The following GATA3 variants were observed in gnomAD, a reference collection of about 807,000 sequenced individuals.
GATA3 encodes the protein GATA binding protein 3.
A neutral mutation model predicts 36.0 loss-of-function variants in GATA3; 6 were observed. The observed-to-expected ratio is 0.17, with a 90% CI of 0.09 to 0.33. GATA3 has a LOEUF of 0.33. Among genes scored for constraint, GATA3 ranks in the 10% least tolerant of loss-of-function variants. The pLI, the probability that GATA3 is intolerant of heterozygous loss-of-function variation, is 1.00. For synonymous variants in GATA3, 326 were observed against 273.0 expected (o/e 1.19, Z -1.92); for missense variants, 514 against 610.1 (o/e 0.84, Z 1.66).
rs934089092 is a variant in GATA3 at position 8,074,129 on chromosome 10, T to C, written c.*106T>C. 9 of 1,340,492 alleles carry C rather than the reference T, an allele frequency of 6.7e-6. No homozygotes were observed. In the African/African-American group the frequency reaches 1.0e-4, roughly 15 times the overall value. 83.0% of individuals were successfully genotyped at this position (1,340,492 alleles called of 1,614,324 possible). A position where few individuals can be genotyped will look rare whatever the true frequency, so the allele number is the denominator to read the frequency against. On this transcript the variant is annotated 3_prime_UTR_variant, in exon 6 of 6. Transcript: ENST00000379328. ...ATGAAGCCTAAACGCGATGGATATA[T>C]GTTTTTGAAGGCAGAAAGCAAAATT...
At chr10:8,069,669 C>T (rs2131512790) in intron 5 of GATA3, 71 bp downstream of exon 5, 3 of 1,552,924 alleles carry the variant, frequency 1.9e-6, no homozygotes, top group Non-Finnish European at 1.8e-6. Flanking sequence ...GTCACCACCA[C>T]CCTCTCCAAG....
Position 8,055,331 on chromosome 10 carries a change from G to A in GATA3, c.-325G>A, listed in dbSNP as rs1389109153. The A allele has an allele frequency of 2.1e-6, 1 of 474,772 alleles. No homozygotes were observed. Among genetic ancestry groups the A allele is most frequent in the South Asian group, 2.2e-5 (1 of 45,694 alleles). The allele number at this position is 474,772 out of a possible 1,614,324, so 29.4% of individuals were successfully genotyped here. A position where few individuals can be genotyped will look rare whatever the true frequency, so the allele number is the denominator to read the frequency against. ...CGCCTCCGAGCGGCTGAGGACCCCG[G>A]TGCAGAGGAGCCTGGCTCGCAGAAT... On this transcript the variant is annotated 5_prime_UTR_variant, in exon 2 of 6. The change creates a new upstream start codon in the 5' untranslated region. Coordinates refer to ENST00000379328, the MANE Select transcript of GATA3 (RefSeq NM_001002295.2). This position sits in a 1 kb window ranked among gnomAD's most constrained non-coding sequence, Gnocchi z 5.4.
chr10:8,054,518 G>C (rs1167031889), upstream of GATA3: 1 of 152,032 alleles, frequency 6.6e-6, no homozygotes, highest in Non-Finnish European at 1.5e-5. The surrounding 1 kb of genome is among the most constrained non-coding windows in gnomAD (Gnocchi z 4.2). Flanking sequence ...TGGAGGGGCG[G>C]GAGGAGGGGC....
At chr10:8,050,894 C>A, upstream of GATA3, 1 of 480,698 alleles carries the variant, frequency 2.1e-6, no homozygotes, top group Non-Finnish European at 4.2e-6. Context: ...CTCCGCTTTG[C>A]CTGTTACCCA....
Position 8,055,594 on chromosome 10 carries a change from C to T in GATA3, c.-62C>T. 2 of 1,529,408 alleles carry T rather than the reference C, an allele frequency of 1.3e-6. No individual in the cohort carries two copies. Among genetic ancestry groups the T allele is most frequent in the Non-Finnish European group, 1.8e-6 (2 of 1,142,818 alleles). 94.7% of individuals were successfully genotyped at this position (1,529,408 alleles called of 1,614,324 possible). ...GAGCCCCCCGACCTCCCAGGCGGACCGCCCTCCCTCCCCGCGCGCGGGTTC... is the reference window on the plus strand; with the variant it reads ...GAGCCCCCCGACCTCCCAGGCGGACTGCCCTCCCTCCCCGCGCGCGGGTTC... On this transcript the variant is annotated 5_prime_UTR_variant, in exon 2 of 6. Coordinates refer to ENST00000379328, the MANE Select transcript of GATA3 (RefSeq NM_001002295.2). This position sits in a 1 kb window ranked among gnomAD's most constrained non-coding sequence, Gnocchi z 5.4.
intron 5 of GATA3, among the ~76,000 whole-genome samples, chr10:8,071,995 G>T (rs1285446101): frequency 6.6e-6 from 1 of 152,166 alleles, no homozygotes; most frequent in African/African-American, 2.4e-5. Flanking sequence ...TTTGATGTGG[G>T]AGTAGATTCC....
At chr10:8,054,472 C>T (rs1564396232), upstream of GATA3, among the ~76,000 whole-genome samples, 1 of 152,112 alleles carries the variant, frequency 6.6e-6, no homozygotes, top group Non-Finnish European at 1.5e-5. The surrounding 1 kb of genome is among the most constrained non-coding windows in gnomAD (Gnocchi z 4.2). Flanking sequence ...GCCCCTCCGC[C>T]GGCGGCCGCC....
Position 8,055,772 on chromosome 10 carries a change from G to T in GATA3, c.117G>T (p.Ala39=). 2 of 1,591,322 alleles carry T rather than the reference G, an allele frequency of 1.3e-6. No individual in the cohort carries two copies. The highest frequency in any genetic ancestry group is 1.7e-6 in the Non-Finnish European group (2 of 1,168,962). Residue 39 remains alanine, a synonymous_variant, in exon 2 of 6, where the codon GCG becomes GCT. Coordinates refer to ENST00000379328, the MANE Select transcript of GATA3 (RefSeq NM_001002295.2). This position sits in a 1 kb window ranked among gnomAD's most constrained non-coding sequence, Gnocchi z 5.4. ...TCAGCCACTCCTACATGGACGCGGC[G>T]CAGTACCCGCTGCCGGAGGAGGTGG... ...PGLSHSYMDA[A]QYPLPEEVDV...
upstream of GATA3, among the ~76,000 whole-genome samples, chr10:8,049,799 T>G (rs1832440267): frequency 6.6e-6 from 1 of 152,084 alleles, no homozygotes; most frequent in Non-Finnish European, 1.5e-5. Flanking sequence ...CCGGGATCTC[T>G]CCTTTGCCCC....
upstream of GATA3, among the ~76,000 whole-genome samples, chr10:8,050,293 A>G (rs931478215): frequency 6.6e-6 from 1 of 152,222 alleles, no homozygotes; most frequent in African/African-American, 2.4e-5. Flanking sequence ...ACACCCAATT[A>G]AAGGCCCCGC....
chr10:8,049,984 G>A (rs951788455), upstream of GATA3, among the ~76,000 whole-genome samples: 10 of 152,274 alleles, frequency 6.6e-5, no homozygotes, highest in Admixed American at 5.2e-4. Flanking sequence ...CGAAAGGCGC[G>A]GCGGTCCCGC....
chr10:8,055,902 T>C lies in GATA3; in HGVS notation c.241+6T>C. ...GTACCCTCCGACCCACCACGGTGAGTGCGCCCGGGGTGCCGGGGCTCCCGC... is the reference window on the plus strand; with the variant it reads ...GTACCCTCCGACCCACCACGGTGAGCGCGCCCGGGGTGCCGGGGCTCCCGC... On this transcript the variant is annotated splice_donor_region_variant and intron_variant, in intron 2 of 5. Transcript: ENST00000379328. The surrounding 1 kb of genome is among the most constrained non-coding windows in gnomAD (Gnocchi z 5.4). 1 of 1,554,654 alleles carries C rather than the reference T, an allele frequency of 6.4e-7. No individual in the cohort carries two copies. The highest frequency in any genetic ancestry group is 8.7e-7 in the Non-Finnish European group (1 of 1,149,206).
At position 8,074,170 on chromosome 10, in the gene GATA3, C is replaced by A; in HGVS notation, c.*147C>A. 2.3e-6 allele frequency: 2 copies of A among 858,498 alleles called. No homozygotes were observed. Among genetic ancestry groups the A allele is most frequent in the South Asian group, 1.8e-5 (1 of 56,612 alleles). The allele number at this position is 858,498 out of a possible 1,614,324, so 53.2% of individuals were successfully genotyped here. A position where few individuals can be genotyped will look rare whatever the true frequency, so the allele number is the denominator to read the frequency against. On this transcript the variant is annotated 3_prime_UTR_variant, in exon 6 of 6. Transcript: ENST00000379328. ...AAGCAAAATTATGTTTGCCACTTTGCAAAGGAGCTCACTGTGGTGTCTGTG... is the reference window on the plus strand; with the variant it reads ...AAGCAAAATTATGTTTGCCACTTTGAAAAGGAGCTCACTGTGGTGTCTGTG...
At chr10:8,057,064 C>T (rs1388050718) in intron 2 of GATA3, among the ~76,000 whole-genome samples, 1 of 152,166 alleles carries the variant, frequency 6.6e-6, no homozygotes, top group East Asian at 1.9e-4. Context: ...GCGCTCTTTG[C>T]CCACGTTCTG....
At position 8,058,984 on chromosome 10, in the gene GATA3, G is replaced by A. The variant is rs566168093; in HGVS notation, c.778+143G>A. On this transcript the variant is annotated intron_variant, in intron 3 of 5. Transcript: ENST00000379328. ...TGCCATTCTTCCCATTCTTCCTGCCGGGAAGGCACTGCATGTCCTCCCATC... is the reference window on the plus strand; with the variant it reads ...TGCCATTCTTCCCATTCTTCCTGCCAGGAAGGCACTGCATGTCCTCCCATC... The A allele has an allele frequency of 2.1e-4, 159 of 763,308 alleles. No homozygotes were observed. The African/African-American group carries it at 2.5e-3, about 12-fold the overall frequency. The allele number at this position is 763,308 out of a possible 1,614,324, so 47.3% of individuals were successfully genotyped here. A position where few individuals can be genotyped will look rare whatever the true frequency, so the allele number is the denominator to read the frequency against.
At chr10:8,073,219 T>C (rs563351186) in intron 5 of GATA3, among the ~76,000 whole-genome samples, 121 of 143,998 alleles carry the variant, frequency 8.4e-4, no homozygotes, top group African/African-American at 3.0e-3. Context: ...CCCGGCTACA[T>C]ATAAATTCTA....
At chr10:8,061,082 TCTCTCTC>T (rs1564400293) in intron 3 of GATA3, among the ~76,000 whole-genome samples, 2 of 149,354 alleles carry the variant, frequency 1.3e-5, no homozygotes, top group Admixed American at 6.9e-5. Flanking sequence ...TCTCTCTCTC[TCTCTCTC>T]TTTTTTACCC....
At chr10:8,051,927 C>T (rs1368370068), upstream of GATA3, among the ~76,000 whole-genome samples, 5 of 152,274 alleles carry the variant, frequency 3.3e-5, no homozygotes, top group African/African-American at 1.2e-4. Context: ...CCCCGTGGGT[C>T]CCGAGGCCGA....
rs985445864 is a variant in GATA3, at chr10:8,055,708, T to C, written c.53T>C (p.Val18Ala). The change falls in exon 2 of 6, where the codon GTG (valine) becomes GCG (alanine). Residue 18 changes from valine (V) to alanine (A), a missense_variant. Coordinates refer to ENST00000379328, the MANE Select transcript of GATA3 (RefSeq NM_001002295.2). The surrounding 1 kb of genome is among the most constrained non-coding windows in gnomAD (Gnocchi z 5.4). ...TGGGTGAGCCACCACCACCCCGCCGTGCTCAACGGGCAGCACCCGGACACG... is the reference window on the plus strand; with the variant it reads ...TGGGTGAGCCACCACCACCCCGCCGCGCTCAACGGGCAGCACCCGGACACG... Reference protein sequence around the residue: ...PRWVSHHHPAVLNGQHPDTHH... With the variant: ...PRWVSHHHPAALNGQHPDTHH... 2.6e-6 allele frequency: 4 copies of C among 1,564,628 alleles called. No homozygotes were observed. The African/African-American group carries it at 5.4e-5, about 21-fold the overall frequency.
Sources: allele counts gnomAD v4.1 joint callset (sites outside exome capture counted in the v4.1 genomes callset), GRCh38; gene constraint gnomAD v4.1.1; non-coding constraint Gnocchi (gnomAD v3.1); transcripts MANE v1.5; gene names NCBI Gene and HGNC (gene_info 2026-07-23, HGNC 2026-07-21).